Variants in LCTL observed in about 807,000 individuals in gnomAD.
The protein encoded by LCTL is lactase-like protein.
LCTL carries 76 observed loss-of-function variants against 75.8 expected under a neutral mutation model. The ratio of observed to expected loss-of-function variants is 1.00; its 90% CI spans 0.83 to 1.21. LCTL has a LOEUF of 1.21. LCTL is among the 50% of genes most tolerant of loss of function. The pLI is 0.00. For synonymous variants in LCTL, 271 were observed against 268.8 expected (o/e 1.01, Z -0.08); for missense variants, 670 against 712.4 (o/e 0.94, Z 0.68).
At chr15:66,558,687 G>GTTT (rs11354993) in intron 6 of LCTL, among the ~76,000 whole-genome samples, 12 of 97,534 alleles carry the variant, frequency 1.2e-4, no homozygotes, top group East Asian at 5.5e-4. Context: ...GTGTGTGTGT[G>GTTT]TTTTTTTTTT....
At chr15:66,555,780 A>G (rs1895726483) in intron 8 of LCTL, among the ~76,000 whole-genome samples, 1 of 152,252 alleles carries the variant, frequency 6.6e-6, no homozygotes, top group Non-Finnish European at 1.5e-5. Context: ...CATATCATAT[A>G]TGTGATAAAA....
At chr15:66,556,850 A>G (rs1338727730) in intron 8 of LCTL, among the ~76,000 whole-genome samples, 1 of 152,152 alleles carries the variant, frequency 6.6e-6, no homozygotes, top group African/African-American at 2.4e-5. Context: ...TGATGGTTGC[A>G]CATTATGAAA....
chr15:66,554,410 G>T (rs1203835417), intron 8 of LCTL, among the ~76,000 whole-genome samples: 1 of 151,896 alleles, frequency 6.6e-6, no homozygotes, highest in African/African-American at 2.4e-5. Flanking sequence ...AGTGAGCCAA[G>T]ATCATGCCAT....
chr15:66,561,147 G>A, intron 5 of LCTL, 40 bp downstream of exon 6: 1 of 1,614,118 alleles, frequency 6.2e-7, no homozygotes, highest in Non-Finnish European at 8.5e-7. Flanking sequence ...AGAAGTGGCA[G>A]GGAGTGTCAC....
intron 8 of LCTL, among the ~76,000 whole-genome samples, chr15:66,556,650 A>T (rs1354863698): frequency 3.3e-5 from 5 of 152,232 alleles, no homozygotes; most frequent in African/African-American, 1.2e-4. Context: ...AAATTCTGAC[A>T]TATTACAAAA....
At chr15:66,555,935 C>T (rs951069781) in intron 8 of LCTL, among the ~76,000 whole-genome samples, 1 of 152,120 alleles carries the variant, frequency 6.6e-6, no homozygotes, top group Non-Finnish European at 1.5e-5. Flanking sequence ...ATTAGGGAAA[C>T]ACAAATCAAA....
intron 6 of LCTL, among the ~76,000 whole-genome samples, chr15:66,558,696 T>G (rs1213078159): frequency 2.0e-3 from 302 of 149,382 alleles, no homozygotes; most frequent in African/African-American, 6.7e-3. Flanking sequence ...TGTTTTTTTT[T>G]TTTTTTTTTT....
At chr15:66,554,235 G>A (rs1895688966) in intron 8 of LCTL, among the ~76,000 whole-genome samples, 1 of 148,676 alleles carries the variant, frequency 6.7e-6, no homozygotes. Context: ...AGGTTGCAGT[G>A]AGCCGAGATC....
intron 4 of LCTL, among the ~76,000 whole-genome samples, chr15:66,562,245 A>G (rs1427248554): frequency 6.6e-6 from 1 of 152,066 alleles, no homozygotes; most frequent in Non-Finnish European, 1.5e-5. Flanking sequence ...TTTACTAAAA[A>G]TACAAAAATT....
intron 6 of LCTL, among the ~76,000 whole-genome samples, chr15:66,560,616 A>T (rs943684572): frequency 1.3e-5 from 2 of 151,672 alleles, no homozygotes; most frequent in East Asian, 1.9e-4. Flanking sequence ...TGAAGTCCAC[A>T]CTCTGATGAC....
At chr15:66,552,961 G>T in intron 9 of LCTL, 23 bp downstream of exon 10, 1 of 1,431,232 alleles carries the variant, frequency 7.0e-7, no homozygotes. Context: ...AATGTCCTTT[G>T]AATAGCTGAA....
At chr15:66,559,869 C>T (rs1303425913) in intron 6 of LCTL, among the ~76,000 whole-genome samples, 1 of 150,462 alleles carries the variant, frequency 6.6e-6, no homozygotes, top group Non-Finnish European at 1.5e-5. Context: ...AGGGAATCAC[C>T]TGAAGTCAGG....
At chr15:66,554,482 G>A (rs1348799533) in intron 8 of LCTL, among the ~76,000 whole-genome samples, 2 of 152,040 alleles carry the variant, frequency 1.3e-5, no homozygotes, top group Admixed American at 1.3e-4. Context: ...ATAAAAATGT[G>A]TAATTTTAGC....
chr15:66,552,007 CG>C (rs758792866), intron 10 of LCTL, 35 bp downstream of exon 11: 1 of 1,594,092 alleles, frequency 6.3e-7, no homozygotes, highest in African/African-American at 1.3e-5. Context: ...CTCAGTTAAA[CG>C]GGAAAACTGC....
At chr15:66,564,627 A>T (rs777564111) in intron 2 of LCTL, 49 bp downstream of exon 3, 1 of 1,581,622 alleles carries the variant, frequency 6.3e-7, no homozygotes, top group Non-Finnish European at 8.6e-7. Flanking sequence ...ATGTACTCAC[A>T]TGTGTGTGCA....
At chr15:66,553,104 C>A in exon 9 of LCTL, 1 of 1,611,044 alleles carries the variant, frequency 6.2e-7, no homozygotes, top group Non-Finnish European at 8.5e-7. Flanking sequence ...GGTAGCTGGG[C>A]CCCTGGCGGG....
chr15:66,555,337 C>A (rs1014239440), intron 8 of LCTL, among the ~76,000 whole-genome samples: 1 of 150,070 alleles, frequency 6.7e-6, no homozygotes, highest in Non-Finnish European at 1.5e-5. Context: ...TGCTCCATCT[C>A]ACTCTCCCAA....
At chr15:66,548,654 T>G (rs1410728701) in intron 12 of LCTL, 49 bp from the exon 14 acceptor site, 2 of 951,206 alleles carry the variant, frequency 2.1e-6, no homozygotes, top group Non-Finnish European at 3.4e-6. Flanking sequence ...AGGATCATTT[T>G]AGTAAATACA....
intron 4 of LCTL, among the ~76,000 whole-genome samples, chr15:66,561,588 A>G (rs986983861): frequency 1.3e-5 from 2 of 152,226 alleles, no homozygotes; most frequent in Admixed American, 1.3e-4. Context: ...TGAGGGCCAC[A>G]CAGATGTCAG....
Sources: allele counts gnomAD v4.1 joint callset (sites outside exome capture counted in the v4.1 genomes callset), GRCh38; gene constraint gnomAD v4.1.1; transcripts MANE v1.5; gene names NCBI Gene and HGNC (gene_info 2026-07-23, HGNC 2026-07-21).